Variants in RARB observed in about 807,000 individuals in gnomAD.
RARB encodes retinoic acid receptor beta, also known as HBV-activated protein.
RARB carries 17 observed loss-of-function variants against 51.9 expected under a neutral mutation model. The observed-to-expected ratio is 0.33, with a 90% CI of 0.22 to 0.49. The LOEUF is 0.49. Among genes scored for constraint, RARB ranks in the 20% least tolerant of loss-of-function variants. The probability of loss-of-function intolerance (pLI) is 0.99; values close to 1 mark genes in which losing one functional copy is unlikely to be tolerated. For synonymous variants in RARB, 215 were observed against 195.4 expected (o/e 1.10, Z -0.84); for missense variants, 369 against 550.8 (o/e 0.67, Z 3.30).
chr3:25,394,000 C>T (rs1389201470), intron 5 of RARB, among the ~76,000 whole-genome samples: 3 of 151,778 alleles, frequency 2.0e-5, no homozygotes, highest in Non-Finnish European at 4.4e-5. Flanking sequence ...GAGGTGTGAC[C>T]TTAGATTGTC....
chr3:25,008,326 C>T (rs1004787142), intron 2 of RARB, among the ~76,000 whole-genome samples: 1 of 152,090 alleles, frequency 6.6e-6, no homozygotes, highest in Non-Finnish European at 1.5e-5. Flanking sequence ...TACCCATTTC[C>T]TCTTGTATAC....
chr3:25,448,269 T>C (rs1709038302), intron 1 of RARB, among the ~76,000 whole-genome samples: 2 of 152,120 alleles, frequency 1.3e-5, no homozygotes, highest in Non-Finnish European at 1.5e-5. Context: ...CTGCTCTCAA[T>C]TGGAAGGTTG....
At chr3:25,591,348 A>G (rs1409926628) in intron 5 of RARB, among the ~76,000 whole-genome samples, 1 of 152,232 alleles carries the variant, frequency 6.6e-6, no homozygotes, top group East Asian at 1.9e-4. Flanking sequence ...TACAGCAGGC[A>G]GGCCAACGTG....
chr3:25,261,679 T>C (rs1300204099), intron 5 of RARB, among the ~76,000 whole-genome samples: 1 of 152,164 alleles, frequency 6.6e-6, no homozygotes, highest in Non-Finnish European at 1.5e-5. Context: ...AGGAAAGTTA[T>C]CTTTCGCCTA....
At position 25,127,358 on chromosome 3, in the gene RARB, C is replaced by G. The variant is rs145583477; in HGVS notation, c.-327-4803C>G. ...TGAACTCAGCAGGCCACGCTCCTTC[C>G]TGCCTTGGAGCTTTGCATTCGTGCT... is the stretch of plus-strand genomic sequence containing the variant. On this transcript the variant is annotated intron_variant, in intron 3 of 11. Transcript: ENST00000383772. 4.9e-3 allele frequency among the ~76,000 whole-genome samples: 743 copies of G among 152,284 alleles called. 3 individuals carry two copies. The highest frequency in any genetic ancestry group is 8.0e-3 in the Non-Finnish European group (547 of 68,000).
chr3:25,437,973 A>G (rs1046025943), intron 1 of RARB, among the ~76,000 whole-genome samples: 6 of 152,218 alleles, frequency 3.9e-5, no homozygotes, highest in African/African-American at 1.4e-4. Flanking sequence ...TTCCTGGTCT[A>G]ACAATTTATT....
At chr3:24,913,009 C>CTT (rs1695026819) in intron 2 of RARB, among the ~76,000 whole-genome samples, 5 of 61,566 alleles carry the variant, frequency 8.1e-5, no homozygotes, top group African/African-American at 2.4e-4. Flanking sequence ...GAGACAGAGT[C>CTT]TCGCTCTGTC....
chr3:25,165,557 T>A (rs1700548364), intron 4 of RARB, among the ~76,000 whole-genome samples: 1 of 152,178 alleles, frequency 6.6e-6, no homozygotes, highest in Non-Finnish European at 1.5e-5. Context: ...GGCCAGTCAT[T>A]CGCTTGGCTT....
intron 5 of RARB, among the ~76,000 whole-genome samples, chr3:25,206,393 C>G (rs1368212130): frequency 2.0e-5 from 3 of 151,996 alleles, no homozygotes; most frequent in Non-Finnish European, 2.9e-5. Flanking sequence ...TTTAAAATTC[C>G]AGGGAAAAAT....
chr3:25,349,073 CATGTCCTACA>C (rs1705482104), intron 5 of RARB, among the ~76,000 whole-genome samples: 1 of 152,142 alleles, frequency 6.6e-6, no homozygotes, highest in Non-Finnish European at 1.5e-5. Flanking sequence ...ATTACCCATT[CATGTCCTACA>C]TTTCCCTTCC....
chr3:24,932,009 C>G (rs9872534), intron 2 of RARB, among the ~76,000 whole-genome samples: 71,146 of 151,786 alleles, frequency 0.47, 17,272 homozygotes, highest in African/African-American at 0.54. Context: ...AGAGGTGATT[C>G]CAACTGAATG....
chr3:24,888,980 G>A (rs535739865), intron 2 of RARB, among the ~76,000 whole-genome samples: 33 of 152,246 alleles, frequency 2.2e-4, no homozygotes, highest in African/African-American at 7.9e-4. Context: ...ATTTCCTTTT[G>A]ATGATAATGT....
chr3:25,026,615 C>T (rs945815426), intron 2 of RARB, among the ~76,000 whole-genome samples: 1 of 125,764 alleles, frequency 8.0e-6, no homozygotes, highest in Non-Finnish European at 1.7e-5. Context: ...GGCCCAATCT[C>T]CAAATCACAT....
chr3:25,548,463 T>C (rs58965072), intron 3 of RARB, among the ~76,000 whole-genome samples: 3,362 of 152,172 alleles, frequency 0.022, 110 homozygotes, highest in African/African-American at 0.077. Flanking sequence ...TAATGAATAA[T>C]ACAGGAGGAC....
intron 2 of RARB, among the ~76,000 whole-genome samples, chr3:24,877,322 T>C (rs1703065067): frequency 7.4e-6 from 1 of 134,674 alleles, no homozygotes; most frequent in Non-Finnish European, 1.7e-5. Flanking sequence ...ATTTACATGA[T>C]AGTAATTTTT....
chr3:25,072,619 T>TAA (rs1698790030), intron 3 of RARB, among the ~76,000 whole-genome samples: 1 of 152,206 alleles, frequency 6.6e-6, no homozygotes, highest in African/African-American at 2.4e-5. Flanking sequence ...CGGTCTGATG[T>TAA]AAGAACCTCA....
At chr3:25,558,244 C>T (rs774038263) in intron 3 of RARB, among the ~76,000 whole-genome samples, 7 of 152,120 alleles carry the variant, frequency 4.6e-5, no homozygotes, top group Admixed American at 1.3e-4. Context: ...TTAACCTTCC[C>T]CACCCCCAAG....
At chr3:25,292,116 T>C (rs1703801999) in intron 5 of RARB, among the ~76,000 whole-genome samples, 1 of 152,052 alleles carries the variant, frequency 6.6e-6, no homozygotes, top group Non-Finnish European at 1.5e-5. Flanking sequence ...TCTTGAAGAA[T>C]ACCCTGCTTC....
intron 3 of RARB, among the ~76,000 whole-genome samples, chr3:25,568,632 A>T (rs973471415): frequency 3.3e-5 from 5 of 152,064 alleles, no homozygotes; most frequent in African/African-American, 4.8e-5. Context: ...GACCCAGGGA[A>T]CTGCCAGTTC....
Sources: allele counts gnomAD v4.1 joint callset (sites outside exome capture counted in the v4.1 genomes callset), GRCh38; gene constraint gnomAD v4.1.1; transcripts MANE v1.5; gene names NCBI Gene and HGNC (gene_info 2026-07-23, HGNC 2026-07-21).